ZFPM2: variants seen among roughly 807,000 people sequenced by gnomAD.
The protein encoded by ZFPM2 is zinc finger protein ZFPM2.
Under a neutral mutation model 98.6 loss-of-function variants are expected in ZFPM2, and 20 were observed. The ratio of observed to expected loss-of-function variants is 0.20; its 90% CI spans 0.14 to 0.29. The LOEUF is 0.29. Ranked by LOEUF, ZFPM2 falls within the 10% of genes least tolerant of loss-of-function variation. The pLI is 1.00. For synonymous variants in ZFPM2, 518 were observed against 502.7 expected, an observed-to-expected ratio of 1.03 and a Z score of -0.41; for missense variants, 1,310 against 1,388.6, an observed-to-expected ratio of 0.94 and a Z score of 0.90.
chr8:105,615,234 A>T (rs1412263101), intron 4 of ZFPM2, among the ~76,000 whole-genome samples: 2 of 152,254 alleles, frequency 1.3e-5, no homozygotes, highest in East Asian at 3.9e-4. Flanking sequence ...TTAGTCAGTA[A>T]TAGCACAATA....
At chr8:105,722,927 A>C (rs929015721) in intron 5 of ZFPM2, among the ~76,000 whole-genome samples, 1 of 151,942 alleles carries the variant, frequency 6.6e-6, no homozygotes, top group African/African-American at 2.4e-5. Context: ...TGCCAGTATC[A>C]TATGAGTCCA....
intron 5 of ZFPM2, among the ~76,000 whole-genome samples, chr8:105,637,453 G>A (rs187631984): frequency 7.8e-4 from 118 of 152,198 alleles, no homozygotes; most frequent in African/African-American, 2.8e-3. Flanking sequence ...TGCTATTAAT[G>A]ATCTAGAATT....
At chr8:105,439,654 G>A (rs1439861484) in intron 2 of ZFPM2, among the ~76,000 whole-genome samples, 1 of 152,140 alleles carries the variant, frequency 6.6e-6, no homozygotes, top group East Asian at 1.9e-4. Context: ...TCAATTTCCT[G>A]AATAGTAAAT....
chr8:105,758,793 A>G (rs957531306), intron 5 of ZFPM2, among the ~76,000 whole-genome samples: 7 of 152,112 alleles, frequency 4.6e-5, no homozygotes, highest in Non-Finnish European at 8.8e-5. Flanking sequence ...ACGCTCATAC[A>G]GAAATCATGC....
At chr8:105,397,858 A>G (rs1811253954) in intron 1 of ZFPM2, among the ~76,000 whole-genome samples, 2 of 149,822 alleles carry the variant, frequency 1.3e-5, no homozygotes, top group African/African-American at 4.9e-5. Context: ...ATATAACAGG[A>G]AAAAAAAAAT....
At chr8:105,406,936 G>A (rs141567008) in intron 1 of ZFPM2, among the ~76,000 whole-genome samples, 58 of 151,998 alleles carry the variant, frequency 3.8e-4, no homozygotes, top group African/African-American at 1.3e-3. Context: ...CGTTTTTGAG[G>A]CTTGAGCCAA....
intron 2 of ZFPM2, among the ~76,000 whole-genome samples, chr8:105,423,635 C>T (rs1811847124): frequency 6.6e-6 from 1 of 152,140 alleles, no homozygotes; most frequent in Admixed American, 6.6e-5. Context: ...ATTTTCGTTT[C>T]AGTTATTTTG....
intron 4 of ZFPM2, among the ~76,000 whole-genome samples, chr8:105,633,043 C>T (rs1334027309): frequency 6.6e-6 from 1 of 152,100 alleles, no homozygotes; most frequent in African/African-American, 2.4e-5. Context: ...TTCAGTACGG[C>T]TTTGCAGTTA....
At chr8:105,330,591 T>TAC (rs1563606714) in intron 1 of ZFPM2, among the ~76,000 whole-genome samples, 36 of 33,900 alleles carry the variant, frequency 1.1e-3, no homozygotes, top group South Asian at 1.9e-3. Context: ...CATATATATA[T>TAC]ATACATATAT....
At chr8:105,532,197 C>T (rs1336427500) in intron 3 of ZFPM2, among the ~76,000 whole-genome samples, 7 of 152,082 alleles carry the variant, frequency 4.6e-5, no homozygotes, top group Admixed American at 2.0e-4. Flanking sequence ...CTACCAAGCC[C>T]GGCCCCTGTT....
chr8:105,770,946 C>G (rs555944129), intron 5 of ZFPM2, among the ~76,000 whole-genome samples: 1 of 152,138 alleles, frequency 6.6e-6, no homozygotes, highest in Non-Finnish European at 1.5e-5. Context: ...GGAGCTATAT[C>G]TAGATGACTT....
At chr8:105,586,019 G>GTC (rs1815707100) in intron 4 of ZFPM2, among the ~76,000 whole-genome samples, 1 of 151,300 alleles carries the variant, frequency 6.6e-6, no homozygotes, top group African/African-American at 2.4e-5. Flanking sequence ...GTGTGTGTGT[G>GTC]TGTGTGTGTG....
chr8:105,583,342 T>C (rs1276050116), intron 4 of ZFPM2, among the ~76,000 whole-genome samples: 1 of 152,160 alleles, frequency 6.6e-6, no homozygotes, highest in African/African-American at 2.4e-5. Flanking sequence ...ATATTTTTCC[T>C]AGTATCTGGG....
chr8:105,474,135 C>T (rs941859271), intron 3 of ZFPM2, among the ~76,000 whole-genome samples: 2 of 152,178 alleles, frequency 1.3e-5, no homozygotes, highest in Non-Finnish European at 2.9e-5. Flanking sequence ...GATGTGCTCC[C>T]GAATAAAATC....
At chr8:105,402,335 G>C (rs538218607) in intron 1 of ZFPM2, among the ~76,000 whole-genome samples, 1 of 151,862 alleles carries the variant, frequency 6.6e-6, no homozygotes, top group African/African-American at 2.4e-5. Context: ...TTTTATTTTA[G>C]TGTTCCTAAT....
intron 4 of ZFPM2, among the ~76,000 whole-genome samples, chr8:105,578,761 A>C (rs1436298539): frequency 6.6e-6 from 1 of 152,136 alleles, no homozygotes; most frequent in Non-Finnish European, 1.5e-5. Flanking sequence ...TTTTCACTAG[A>C]GTGGCTTAAG....
intron 1 of ZFPM2, among the ~76,000 whole-genome samples, chr8:105,385,176 A>G (rs1415055006): frequency 6.6e-6 from 1 of 152,212 alleles, no homozygotes; most frequent in Non-Finnish European, 1.5e-5. Flanking sequence ...CCTGTGGCCC[A>G]TGTTTTACAT....
chr8:105,769,770 TC>T (rs1812941935), intron 5 of ZFPM2, among the ~76,000 whole-genome samples: 1 of 152,036 alleles, frequency 6.6e-6, no homozygotes, highest in South Asian at 2.1e-4. Context: ...CTTAATTATA[TC>T]CTGTCTTGAC....
intron 5 of ZFPM2, among the ~76,000 whole-genome samples, chr8:105,685,269 G>A (rs1810705838): frequency 6.6e-6 from 1 of 151,966 alleles, no homozygotes; most frequent in African/African-American, 2.4e-5. Context: ...AATTGAATTA[G>A]CCACATGTAA....
Sources: allele counts gnomAD v4.1 joint callset (sites outside exome capture counted in the v4.1 genomes callset), GRCh38; gene constraint gnomAD v4.1.1; transcripts MANE v1.5; gene names NCBI Gene and HGNC (gene_info 2026-07-23, HGNC 2026-07-21).